Variants in SYT1 observed in about 807,000 individuals in gnomAD.
The protein encoded by SYT1 is synaptotagmin 1, also known as synaptotagmin-1.
A neutral mutation model predicts 44.8 loss-of-function variants in SYT1; 8 were observed. The observed-to-expected ratio is 0.18, with a 90% CI of 0.10 to 0.32. SYT1 has a LOEUF of 0.32. SYT1 is among the 10% of genes least tolerant of loss of function. The pLI, the probability that SYT1 is intolerant of heterozygous loss-of-function variation, is 1.00. For synonymous variants in SYT1, 154 were observed against 188.8 expected (o/e 0.82, Z 1.51); for missense variants, 286 against 509.3 (o/e 0.56, Z 4.22).
At position 79,195,508 on chromosome 12, in the gene SYT1, GAAA is replaced by G. The variant is rs5799418; in HGVS notation, c.-17-21980_-17-21978del. Among the ~76,000 whole-genome samples the G allele has an allele frequency of 9.3e-4, 120 of 129,392 alleles. 1 individual carries two copies. The highest frequency in any genetic ancestry group is 4.0e-3 in the Middle Eastern group (1 of 250). The allele number at this position is 129,392 out of a possible 152,430, so 84.9% of individuals were successfully genotyped here. A position where few individuals can be genotyped will look rare whatever the true frequency, so the allele number is the denominator to read the frequency against. On this transcript the variant is annotated intron_variant, in intron 3 of 10. Transcript: ENST00000261205. ...TATTTGAAAAAAGAGAGGTAACCCT[GAAA>G]AAAAAAAAAAAAAAGAGAATACAGT...
At chr12:79,217,473 T>G (rs757945151) in intron 3 of SYT1, 30 bp from the exon 4 acceptor site, 2 of 1,497,698 alleles carry the variant, frequency 1.3e-6, no homozygotes, top group Admixed American at 4.6e-5. Flanking sequence ...CATTTTGAAT[T>G]GTTCTGTCTT....
At chr12:79,162,182 T>C (rs1245779778) in intron 3 of SYT1, among the ~76,000 whole-genome samples, 1 of 152,060 alleles carries the variant, frequency 6.6e-6, no homozygotes, top group Non-Finnish European at 1.5e-5. Context: ...TATTGCAAAA[T>C]GGAGAGTAAA....
At chr12:78,927,360 C>T (rs1007127463) in intron 1 of SYT1, among the ~76,000 whole-genome samples, 3 of 152,114 alleles carry the variant, frequency 2.0e-5, no homozygotes, top group Admixed American at 2.0e-4. Context: ...AACACCCAAT[C>T]TTTGGGTAAG....
Position 79,217,500 on chromosome 12 carries a change from C to A in SYT1, c.-17-3C>A. On this transcript the variant is annotated splice_region_variant and splice_polypyrimidine_tract_variant and intron_variant, in intron 3 of 10. Coordinates refer to ENST00000261205, the MANE Select transcript of SYT1 (RefSeq NM_005639.3). ...TTCTGTCTTTGCTTCCCTCCCCTCA[C>A]AGCTTCACCTGAACCTAAAATGGTG... 2 of 1,567,440 alleles carry A rather than the reference C, an allele frequency of 1.3e-6. No individual in the cohort carries two copies. The highest frequency in any genetic ancestry group is 1.2e-5 in the South Asian group (1 of 85,864).
chr12:79,371,095 T>C (rs1283588318), intron 9 of SYT1, among the ~76,000 whole-genome samples: 1 of 152,224 alleles, frequency 6.6e-6, no homozygotes, highest in African/African-American at 2.4e-5. Context: ...ACTAATTTCG[T>C]CTTGTTTAAT....
At chr12:78,873,163 A>C (rs1873906103) in intron 1 of SYT1, among the ~76,000 whole-genome samples, 1 of 151,666 alleles carries the variant, frequency 6.6e-6, no homozygotes, top group Non-Finnish European at 1.5e-5. Context: ...AAGGAGACTC[A>C]AGTGTTGTTA....
chr12:78,970,269 C>T (rs938825135), intron 1 of SYT1, among the ~76,000 whole-genome samples: 2 of 152,152 alleles, frequency 1.3e-5, no homozygotes, highest in African/African-American at 2.4e-5. Context: ...CATTGCAAAC[C>T]TCCAATAAAC....
chr12:79,414,734 C>G (rs1868629552), intron 9 of SYT1, among the ~76,000 whole-genome samples: 1 of 152,088 alleles, frequency 6.6e-6, no homozygotes, highest in African/African-American at 2.4e-5. Flanking sequence ...GGCACTGACT[C>G]TAAGGCAATG....
At chr12:79,374,324 C>T (rs1593011509) in intron 9 of SYT1, among the ~76,000 whole-genome samples, 1 of 152,046 alleles carries the variant, frequency 6.6e-6, no homozygotes, top group East Asian at 1.9e-4. Flanking sequence ...AGTTTATAAA[C>T]CAAAAGTCGG....
chr12:79,423,514 C>A (rs1565951541), intron 9 of SYT1, among the ~76,000 whole-genome samples: 1 of 152,082 alleles, frequency 6.6e-6, no homozygotes, highest in Non-Finnish European at 1.5e-5. Context: ...TAGACAAACA[C>A]ACATACACAC....
At chr12:78,996,001 C>T (rs911862352) in intron 2 of SYT1, among the ~76,000 whole-genome samples, 4 of 152,136 alleles carry the variant, frequency 2.6e-5, no homozygotes, top group Non-Finnish European at 5.9e-5. Context: ...AAAAACTTGC[C>T]TGAAGTTTCT....
chr12:78,959,567 G>A (rs996369451), intron 1 of SYT1, among the ~76,000 whole-genome samples: 7 of 152,010 alleles, frequency 4.6e-5, no homozygotes, highest in African/African-American at 1.2e-4. Flanking sequence ...GGGGAACTTC[G>A]CCATAGATAT....
At chr12:79,021,713 G>A (rs1009599204) in intron 2 of SYT1, among the ~76,000 whole-genome samples, 2 of 151,776 alleles carry the variant, frequency 1.3e-5, no homozygotes, top group Admixed American at 1.3e-4. Context: ...AAGCTAGCTA[G>A]TATTGGAAGA....
In SYT1 at chr12:79,309,662, C is replaced by T. The variant is rs190785280; in HGVS notation, c.810+10111C>T. Among the ~76,000 whole-genome samples, 191 of 152,290 alleles carry T rather than the reference C, an allele frequency of 1.3e-3. 2 individuals carry two copies. The highest frequency in any genetic ancestry group is 4.3e-4 in the Non-Finnish European group (29 of 68,030). On this transcript the variant is annotated intron_variant, in intron 8 of 10. Transcript: ENST00000261205. ...GAAATTGTAAATGTTGAATTCTAGG[C>T]TCCGATAATCACTGTCAACAGAAGA...
intron 1 of SYT1, among the ~76,000 whole-genome samples, chr12:78,900,650 G>A (rs1875610571): frequency 6.6e-6 from 1 of 152,068 alleles, no homozygotes. Flanking sequence ...AAGTGGAGAA[G>A]AGGCTAGAGC....
intron 9 of SYT1, among the ~76,000 whole-genome samples, chr12:79,358,708 G>A (rs1179467666): frequency 2.0e-5 from 3 of 152,114 alleles, no homozygotes; most frequent in African/African-American, 4.8e-5. Context: ...CTACCTTCAA[G>A]ATGGGAGAGC....
chr12:79,248,111 A>G (rs1206694523), intron 4 of SYT1, among the ~76,000 whole-genome samples: 1 of 152,234 alleles, frequency 6.6e-6, no homozygotes, highest in Non-Finnish European at 1.5e-5. Flanking sequence ...AGGATGCCCC[A>G]CATTAAAGTA....
chr12:79,331,117 C>G (rs1881836273), intron 8 of SYT1, among the ~76,000 whole-genome samples: 1 of 152,190 alleles, frequency 6.6e-6, no homozygotes, highest in East Asian at 1.9e-4. Flanking sequence ...TAATTTATAA[C>G]AGCAACAGCT....
intron 8 of SYT1, among the ~76,000 whole-genome samples, chr12:79,328,779 G>T (rs2139004630): frequency 6.6e-6 from 1 of 151,146 alleles, no homozygotes; most frequent in East Asian, 2.0e-4. Context: ...CCGGGAGGCA[G>T]AGCTTGCAGT....
Sources: gnomAD v4.1 joint callset for allele counts (sites outside exome capture counted in the v4.1 genomes callset) on GRCh38, gnomAD v4.1.1 for gene constraint, MANE v1.5 for transcripts, NCBI Gene and HGNC (gene_info 2026-07-23, HGNC 2026-07-21) for gene names.